SAMSN1: variants seen among roughly 807,000 people sequenced by gnomAD.
The protein encoded by SAMSN1 is SAM domain-containing protein SAMSN-1.
Under a neutral mutation model 42.0 loss-of-function variants are expected in SAMSN1, and 31 were observed. That is an observed-to-expected ratio of 0.74 (90% CI 0.55 to 1.00). The LOEUF (loss-of-function observed/expected upper bound fraction) is 1.00, where lower values mean the gene tolerates loss of function less well. Among genes scored for constraint, SAMSN1 ranks in the 50% least tolerant of loss-of-function variants. The pLI is 0.00. For synonymous variants in SAMSN1, 178 were observed against 151.9 expected (o/e 1.17, Z -1.26); for missense variants, 464 against 439.4 (o/e 1.06, Z -0.50).
chr21:14,615,541 CAT>C, intron 3 of SAMSN1, among the ~76,000 whole-genome samples: 1 of 152,260 alleles, frequency 6.6e-6, no homozygotes, highest in African/African-American at 2.4e-5. Flanking sequence ...CCTTATGCAA[CAT>C]GTGTATGTCA....
intron 6 of SAMSN1, 91 bp from the exon 7 acceptor site, chr21:14,498,683 A>C: frequency 3.0e-6 from 3 of 1,014,872 alleles, no homozygotes; most frequent in South Asian, 1.9e-5. Context: ...AGAGATGCAC[A>C]TGGGGACCAA....
At chr21:14,569,179 T>G (rs1236289914) in intron 2 of SAMSN1, among the ~76,000 whole-genome samples, 2 of 151,952 alleles carry the variant, frequency 1.3e-5, no homozygotes, top group Admixed American at 6.6e-5. Flanking sequence ...CCTATAGTCC[T>G]GTCTACTTGG....
At chr21:14,523,465 T>G (rs970761494) in intron 1 of SAMSN1, 2 of 152,300 alleles carry the variant, frequency 1.3e-5, no homozygotes, top group South Asian at 2.1e-4. Context: ...TCTTCTTATG[T>G]AGTACTTACT....
intron 1 of SAMSN1, among the ~76,000 whole-genome samples, chr21:14,544,257 C>G (rs1053936150): frequency 6.6e-6 from 1 of 152,144 alleles, no homozygotes; most frequent in African/African-American, 2.4e-5. Flanking sequence ...TGCCACATTG[C>G]CCAGACTGGG....
At chr21:14,582,804 A>T (rs1981786007) in intron 1 of SAMSN1, among the ~76,000 whole-genome samples, 1 of 152,020 alleles carries the variant, frequency 6.6e-6, no homozygotes, top group Non-Finnish European at 1.5e-5. Context: ...AAATACAATT[A>T]AAAAACCCAC....
At chr21:14,560,621 A>G (rs571679744) in intron 2 of SAMSN1, among the ~76,000 whole-genome samples, 1 of 152,168 alleles carries the variant, frequency 6.6e-6, no homozygotes, top group Non-Finnish European at 1.5e-5. Flanking sequence ...GAAGTTTAGT[A>G]ATCAACAAGC....
intron 7 of SAMSN1, among the ~76,000 whole-genome samples, chr21:14,492,262 G>A (rs1309996260): frequency 6.6e-6 from 1 of 152,108 alleles, no homozygotes; most frequent in Non-Finnish European, 1.5e-5. Flanking sequence ...TTACACTCTT[G>A]CACACATGCA....
intron 2 of SAMSN1, among the ~76,000 whole-genome samples, chr21:14,553,056 AT>A (rs1201967162): frequency 6.6e-6 from 1 of 151,962 alleles, no homozygotes; most frequent in African/African-American, 2.4e-5. Flanking sequence ...TAAAAAAAAA[AT>A]GTTTCTAGTT....
chr21:14,654,782 A>C (rs1383368330), intron 1 of SAMSN1, among the ~76,000 whole-genome samples: 2 of 151,950 alleles, frequency 1.3e-5, no homozygotes, highest in African/African-American at 2.4e-5. Context: ...CCTGGTTTTT[A>C]ATTGGGGCAT....
chr21:14,493,951 C>T (rs1986803046), intron 7 of SAMSN1, among the ~76,000 whole-genome samples: 2 of 152,148 alleles, frequency 1.3e-5, no homozygotes, highest in African/African-American at 4.8e-5. Flanking sequence ...CGCCACATAC[C>T]AGCCCTTTCA....
At chr21:14,615,782 C>A (rs1444737863) in intron 3 of SAMSN1, among the ~76,000 whole-genome samples, 1 of 143,880 alleles carries the variant, frequency 7.0e-6, no homozygotes, top group Non-Finnish European at 1.5e-5. Flanking sequence ...TGGAATGTCA[C>A]AACACAGCTT....
chr21:14,514,942 G>A (rs1042637067), intron 3 of SAMSN1, among the ~76,000 whole-genome samples: 23 of 152,114 alleles, frequency 1.5e-4, no homozygotes, highest in African/African-American at 5.1e-4. Context: ...TGACTTAAGG[G>A]GAGAATGTAG....
In SAMSN1 at chr21:14,562,591, T is replaced by C. The variant is rs150193012; in HGVS notation, c.261+19545A>G. ...ATAATATGGACTCTTAAAATGATTT[T>C]GATATTGATATTTTTATGATTAAAA... On this transcript the variant is annotated intron_variant, in intron 2 of 8. Transcript: ENST00000285670. 1.9e-4 allele frequency among the ~76,000 whole-genome samples: 29 copies of C among 151,122 alleles called. No individual in the cohort carries two copies. In the East Asian group the frequency reaches 4.8e-3, roughly 25 times the overall value.
At chr21:14,550,040 T>C (rs1435717557), upstream of SAMSN1, among the ~76,000 whole-genome samples, 1 of 152,138 alleles carries the variant, frequency 6.6e-6, no homozygotes, top group Non-Finnish European at 1.5e-5. Flanking sequence ...TGCCAAGCTA[T>C]ATAGAGGGGC....
At chr21:14,655,156 A>G (rs1337159568) in intron 1 of SAMSN1, among the ~76,000 whole-genome samples, 7 of 151,906 alleles carry the variant, frequency 4.6e-5, no homozygotes, top group African/African-American at 1.4e-4. Context: ...AACAATTACA[A>G]AGTCTTGAAA....
chr21:14,638,630 T>C (rs1231204147), intron 2 of SAMSN1, among the ~76,000 whole-genome samples: 2 of 152,252 alleles, frequency 1.3e-5, no homozygotes, highest in Admixed American at 6.5e-5. Flanking sequence ...TGATTTTCAG[T>C]CCCTACTGTA....
intron 2 of SAMSN1, among the ~76,000 whole-genome samples, chr21:14,620,181 A>C (rs553794625): frequency 2.0e-4 from 30 of 152,264 alleles, no homozygotes; most frequent in Non-Finnish European, 1.5e-5. Flanking sequence ...CCTTCACTTC[A>C]AGATAGTCAA....
At chr21:14,493,658 TA>T (rs1986790898) in intron 7 of SAMSN1, among the ~76,000 whole-genome samples, 1 of 151,922 alleles carries the variant, frequency 6.6e-6, no homozygotes, top group Non-Finnish European at 1.5e-5. Flanking sequence ...ACTTCCAAAG[TA>T]AATGAAACAT....
At chr21:14,492,450 T>C (rs1215465987) in intron 7 of SAMSN1, among the ~76,000 whole-genome samples, 2 of 152,218 alleles carry the variant, frequency 1.3e-5, no homozygotes, top group Non-Finnish European at 2.9e-5. Flanking sequence ...CATTTTATGT[T>C]AACCATCCAC....
Sources: gnomAD v4.1 joint callset for allele counts (sites outside exome capture counted in the v4.1 genomes callset) on GRCh38, gnomAD v4.1.1 for gene constraint, MANE v1.5 for transcripts, NCBI Gene and HGNC (gene_info 2026-07-23, HGNC 2026-07-21) for gene names.